Variants in CRACD observed in about 807,000 individuals in gnomAD.
CRACD encodes capping protein-inhibiting regulator of actin dynamics.
A neutral mutation model predicts 106.8 loss-of-function variants in CRACD; 56 were observed. The ratio of observed to expected loss-of-function variants is 0.52; its 90% CI spans 0.42 to 0.66. CRACD has a LOEUF of 0.66. Among genes scored for constraint, CRACD ranks in the 30% least tolerant of loss-of-function variants. The pLI, the probability that CRACD is intolerant of heterozygous loss-of-function variation, is 0.00. For missense variants in CRACD, 1,730 were observed against 1,623.2 expected (o/e 1.07, Z -1.13); for synonymous variants, 754 against 670.8 (o/e 1.12, Z -1.92).
intron 2 of CRACD, among the ~76,000 whole-genome samples, chr4:56,205,118 TGCACTCTAGCCTTG>T (rs1382398621): frequency 9.2e-5 from 14 of 152,176 alleles, no homozygotes; most frequent in African/African-American, 3.4e-4. Context: ...ATCACACCAC[TGCACTCTAGCCTTG>T]GCAACAGAGT....
intron 9 of CRACD, 54 bp from the exon 10 acceptor site, chr4:56,324,050 T>G: frequency 6.5e-7 from 1 of 1,548,548 alleles, no homozygotes; most frequent in Non-Finnish European, 8.7e-7. Context: ...AGGGTCAGTC[T>G]TTCCATGTCT....
intron 1 of CRACD, among the ~76,000 whole-genome samples, chr4:56,151,106 C>G (rs1043751351): frequency 1.3e-5 from 2 of 152,174 alleles, no homozygotes; most frequent in African/African-American, 2.4e-5. Context: ...CAGCAATTCT[C>G]CTGCCTCAGC....
chr4:56,235,988 G>A (rs141440404), intron 2 of CRACD, among the ~76,000 whole-genome samples: 87 of 152,230 alleles, frequency 5.7e-4, no homozygotes, highest in African/African-American at 2.0e-3. Flanking sequence ...AGTTATCTGC[G>A]CTGGGTAGCT....
At chr4:56,232,700 C>CTTTATTTATTTATTCA (rs1739696420) in intron 2 of CRACD, among the ~76,000 whole-genome samples, 1 of 141,588 alleles carries the variant, frequency 7.1e-6, no homozygotes, top group African/African-American at 2.6e-5. Context: ...AAACATGTAT[C>CTTTATTTATTTATTCA]TTTATTTATT....
chr4:56,286,560 G>A (rs1311066892), intron 3 of CRACD, among the ~76,000 whole-genome samples: 1 of 125,162 alleles, frequency 8.0e-6, no homozygotes, highest in African/African-American at 2.7e-5. Context: ...TTACCGTAGG[G>A]TTTCAGAGAA....
intron 3 of CRACD, among the ~76,000 whole-genome samples, chr4:56,291,867 G>C (rs1464195573): frequency 6.6e-6 from 1 of 152,110 alleles, no homozygotes; most frequent in African/African-American, 2.4e-5. Context: ...ACCTAATATA[G>C]AAAACTGGTA....
Position 56,229,462 on chromosome 4 carries a change from C to T in CRACD, c.-188-42859C>T, listed in dbSNP as rs554171728. Among the ~76,000 whole-genome samples, 4 of 152,286 alleles carry T rather than the reference C, an allele frequency of 2.6e-5. No individual in the cohort carries two copies. The South Asian group carries it at 8.3e-4, about 32-fold the overall frequency. On this transcript the variant is annotated intron_variant, in intron 2 of 10. Coordinates refer to ENST00000682029, the MANE Select transcript of CRACD (RefSeq NM_001393381.1). ...TCTGGCACCTTGATCTTGGACTTCC[C>T]AGCCTCTAGGACCATAAGAAATAAA...
intron 2 of CRACD, among the ~76,000 whole-genome samples, chr4:56,210,039 A>G (rs542620222): frequency 6.6e-6 from 1 of 152,256 alleles, no homozygotes; most frequent in Admixed American, 6.5e-5. Context: ...AGGGGTCATA[A>G]TGGGCTTGAC....
At position 56,261,141 on chromosome 4, in the gene CRACD, C is replaced by T. The variant is rs530509514; in HGVS notation, c.-188-11180C>T. 5.3e-5 allele frequency among the ~76,000 whole-genome samples: 8 copies of T among 152,240 alleles called. No individual in the cohort carries two copies. The South Asian group carries it at 1.0e-3, about 20-fold the overall frequency. On this transcript the variant is annotated intron_variant, in intron 2 of 10. Transcript: ENST00000682029. ...TTTGCTGAGGTAGTTAGGTACCACA[C>T]TGATGCTGCAAGGCGAAGTAGCAGG... is the stretch of plus-strand genomic sequence containing the variant.
chr4:56,200,635 A>G (rs1442678246), intron 2 of CRACD, among the ~76,000 whole-genome samples: 1 of 152,218 alleles, frequency 6.6e-6, no homozygotes, highest in Non-Finnish European at 1.5e-5. Flanking sequence ...TACCTTCCAG[A>G]ATTTTTAATA....
chr4:56,261,361 C>CT (rs369710516), intron 2 of CRACD, among the ~76,000 whole-genome samples: 64,311 of 140,850 alleles, frequency 0.46, 15,157 homozygotes, highest in East Asian at 0.65. Flanking sequence ...TCTTCTTCTT[C>CT]TTTTTTTTTT....
intron 1 of CRACD, among the ~76,000 whole-genome samples, chr4:56,140,984 C>A (rs1271642182): frequency 2.0e-5 from 3 of 152,166 alleles, no homozygotes; most frequent in Non-Finnish European, 4.4e-5. Context: ...ACATACTGTT[C>A]TCCAGTTTAT....
intron 1 of CRACD, among the ~76,000 whole-genome samples, chr4:56,116,763 C>T (rs184007673): frequency 5.4e-4 from 82 of 151,342 alleles, no homozygotes; most frequent in South Asian, 1.3e-3. Context: ...GGCTGGAGTG[C>T]GTGGCACGAT....
In CRACD at chr4:56,150,037, A is replaced by G. The variant is rs76151705; in HGVS notation, c.-335-29247A>G. Reference sequence around the variant, plus strand: ...TATCAAGCCTCACTTATAAAGCACTATATTAAATGCTATGGGAACTTACAG... The same window carrying G: ...TATCAAGCCTCACTTATAAAGCACTGTATTAAATGCTATGGGAACTTACAG... On this transcript the variant is annotated intron_variant, in intron 1 of 10. Transcript: ENST00000682029. Among the ~76,000 whole-genome samples, 653 of 152,346 alleles carry G rather than the reference A, an allele frequency of 4.3e-3. 4 individuals are homozygous for G. Among genetic ancestry groups the G allele is most frequent in the African/African-American group, 0.015 (625 of 41,582 alleles).
intron 2 of CRACD, among the ~76,000 whole-genome samples, chr4:56,199,421 T>C (rs540649692): frequency 1.1e-4 from 16 of 152,242 alleles, no homozygotes; most frequent in South Asian, 1.0e-3. Flanking sequence ...CAGTGGCTCA[T>C]GCCTGTAATC....
At chr4:56,296,727 T>C (rs950972707) in intron 3 of CRACD, among the ~76,000 whole-genome samples, 5 of 152,200 alleles carry the variant, frequency 3.3e-5, no homozygotes, top group Admixed American at 1.3e-4. Context: ...CTGCCTGTGT[T>C]GCCTGGCATT....
intron 1 of CRACD, among the ~76,000 whole-genome samples, chr4:56,099,661 G>A (rs78579380): frequency 2.0e-5 from 3 of 152,094 alleles, no homozygotes; most frequent in East Asian, 1.9e-4. Context: ...TGAGACTTTC[G>A]TGGGCCAAGC....
intron 2 of CRACD, among the ~76,000 whole-genome samples, chr4:56,232,752 T>G (rs1047496773): frequency 1.4e-5 from 2 of 142,488 alleles, no homozygotes; most frequent in African/African-American, 5.3e-5. Flanking sequence ...TGAGATGGAG[T>G]CTCACTCTGT....
chr4:56,174,432 A>G (rs773436332), intron 1 of CRACD, among the ~76,000 whole-genome samples: 9 of 152,132 alleles, frequency 5.9e-5, no homozygotes, highest in Non-Finnish European at 1.0e-4. Context: ...ACTCCTCGTC[A>G]TCCCCCTCTC....
Sources: gnomAD v4.1 joint callset for allele counts (sites outside exome capture counted in the v4.1 genomes callset) on GRCh38, gnomAD v4.1.1 for gene constraint, MANE v1.5 for transcripts, NCBI Gene and HGNC (gene_info 2026-07-23, HGNC 2026-07-21) for gene names.